Variants in ST7L observed in about 807,000 individuals in gnomAD.
ST7L encodes the protein suppression of tumorigenicity 7 like, also known as suppressor of tumorigenicity 7 protein-like.
A neutral mutation model predicts 72.5 loss-of-function variants in ST7L; 57 were observed. The ratio of observed to expected loss-of-function variants is 0.79; its 90% CI spans 0.64 to 0.98. The LOEUF is 0.98. Ranked by LOEUF, ST7L falls within the 50% of genes least tolerant of loss-of-function variation. The pLI is 0.00. For synonymous variants in ST7L, 221 were observed against 240.9 expected, an observed-to-expected ratio of 0.92 and a Z score of 0.77; for missense variants, 576 against 672.2, an observed-to-expected ratio of 0.86 and a Z score of 1.58.
rs1270181789 is a variant in ST7L at position 112,524,359 on chromosome 1, GT to G, written c.*1653del. On this transcript the variant is annotated 3_prime_UTR_variant, in exon 15 of 15. Transcript: ENST00000358039. ...GAAGGGAGGACGCCAGGGAGAGTATGTTTCTCATCCCTGGGAGGCATTCAGC... is the reference window on the plus strand; with the variant it reads ...GAAGGGAGGACGCCAGGGAGAGTATGTTCTCATCCCTGGGAGGCATTCAGC... The G allele has an allele frequency of 6.6e-6, 1 of 152,608 alleles. No homozygotes were observed. The highest frequency in any genetic ancestry group is 1.5e-5 in the Non-Finnish European group (1 of 68,044). 9.5% of individuals were successfully genotyped at this position (152,608 alleles called of 1,614,324 possible).
intron 11 of ST7L, among the ~76,000 whole-genome samples, chr1:112,561,378 C>CAAAAA (rs33953697): frequency 1.1e-5 from 1 of 90,572 alleles, no homozygotes; most frequent in Non-Finnish European, 2.3e-5. Context: ...CTCCCTGCCT[C>CAAAAA]AAAAAAAAAA....
At chr1:112,616,530 G>T (rs1669900434) in intron 2 of ST7L, among the ~76,000 whole-genome samples, 1 of 152,108 alleles carries the variant, frequency 6.6e-6, no homozygotes, top group South Asian at 2.1e-4. Flanking sequence ...ATCACCTGAG[G>T]TCAGGAGTTG....
chr1:112,524,839 C>G lies in ST7L; in HGVS notation c.*1174G>C, dbSNP rs903329864. 19 of 152,074 alleles carry G rather than the reference C, an allele frequency of 1.2e-4. No individual in the cohort carries two copies. Among genetic ancestry groups the G allele is most frequent in the Admixed American group, 7.2e-4 (11 of 15,272 alleles). 9.4% of individuals were successfully genotyped at this position (152,074 alleles called of 1,614,324 possible). A position where few individuals can be genotyped will look rare whatever the true frequency, so the allele number is the denominator to read the frequency against. ...TAGGAGTTCTGCTCATCCTCCTCTCCCCAACAATTAAAAAAAAAAGCAATT... is the reference window on the plus strand; with the variant it reads ...TAGGAGTTCTGCTCATCCTCCTCTCGCCAACAATTAAAAAAAAAAGCAATT... On this transcript the variant is annotated 3_prime_UTR_variant, in exon 15 of 15. Transcript: ENST00000358039.
chr1:112,614,759 C>A (rs186457695), intron 2 of ST7L, among the ~76,000 whole-genome samples: 64 of 151,992 alleles, frequency 4.2e-4, no homozygotes, highest in Non-Finnish European at 8.2e-4. Flanking sequence ...CTACCCTGAA[C>A]AACACAGTGA....
intron 4 of ST7L, 104 bp downstream of exon 4, chr1:112,600,690 C>G (rs1425928896): frequency 7.3e-6 from 7 of 955,842 alleles, no homozygotes; most frequent in Non-Finnish European, 1.1e-5. Context: ...AGACCAGTAT[C>G]TTCTACTAGA....
intron 11 of ST7L, among the ~76,000 whole-genome samples, chr1:112,576,761 T>C (rs1663160191): frequency 6.6e-6 from 1 of 152,256 alleles, no homozygotes; most frequent in Non-Finnish European, 1.5e-5. Flanking sequence ...GTTCAAATTA[T>C]ATTTTGATAG....
chr1:112,610,729 G>A (rs1668947348), intron 3 of ST7L, 112 bp downstream of exon 3: 1 of 1,324,502 alleles, frequency 7.6e-7, no homozygotes, highest in Non-Finnish European at 1.0e-6. Flanking sequence ...GAATTTTGGG[G>A]GAAACACAAA....
Position 112,590,735 on chromosome 1 carries a change from CAA to C in ST7L, c.701+788_701+789del, listed in dbSNP as rs764784318. On this transcript the variant is annotated intron_variant, in intron 6 of 14. Coordinates refer to ENST00000358039, the MANE Select transcript of ST7L (RefSeq NM_017744.5). ...GCCTTTTCAAAATATAAAGTTCAAACAAAGAACTATAAAAAAATGCTGCTAAC... is the reference window on the plus strand; with the variant it reads ...GCCTTTTCAAAATATAAAGTTCAAACAGAACTATAAAAAAATGCTGCTAAC... Among the ~76,000 whole-genome samples, 25 of 152,018 alleles carry C rather than the reference CAA, an allele frequency of 1.6e-4. No individual in the cohort carries two copies. The East Asian group carries it at 3.7e-3, about 22-fold the overall frequency.
chr1:112,568,888 A>ATATATATAT (rs1557994022), intron 11 of ST7L, among the ~76,000 whole-genome samples: 5 of 132,180 alleles, frequency 3.8e-5, no homozygotes, highest in African/African-American at 1.5e-4. Context: ...ATATATATAT[A>ATATATATAT]AAACAAAAAT....
intron 9 of ST7L, among the ~76,000 whole-genome samples, chr1:112,579,966 GAATTTCTCACA>G (rs1663821007): frequency 6.6e-6 from 1 of 152,158 alleles, no homozygotes; most frequent in South Asian, 2.1e-4. Flanking sequence ...CATATGGAAA[GAATTTCTCACA>G]AATTTCTCCA....
chr1:112,619,224 T>C (rs1570689380), upstream of ST7L: 2 of 1,025,386 alleles, frequency 2.0e-6, no homozygotes, highest in African/African-American at 3.2e-5. Context: ...GAAGGCTGAG[T>C]CCTGGGGAAC....
rs144904511 is a variant in ST7L, at chr1:112,567,658, C to T, written c.1245+9328G>A. Among the ~76,000 whole-genome samples, 1,057 of 152,210 alleles carry T rather than the reference C, an allele frequency of 6.9e-3. 8 individuals are homozygous for T. Among genetic ancestry groups the T allele is most frequent in the Non-Finnish European group, 0.011 (756 of 68,010 alleles). On this transcript the variant is annotated intron_variant, in intron 11 of 14. Transcript: ENST00000358039. ...ATGTGAAAAAAATTCATGATTCCCT[C>T]CCACCACATTTAGATATCCAGATGT...
In ST7L at chr1:112,551,443, C is replaced by T. The variant is rs375462055; in HGVS notation, c.1397-750G>A. ...GATTACAGGTGTGAGCCACCGCGCC[C>T]GGCCTATGAGCAGATCTTAATCTAG... On this transcript the variant is annotated intron_variant, in intron 12 of 14. Transcript: ENST00000358039. Among the ~76,000 whole-genome samples, 10 of 152,268 alleles carry T rather than the reference C, an allele frequency of 6.6e-5. 1 individual carries two copies. Among genetic ancestry groups the T allele is most frequent in the South Asian group, 2.1e-4 (1 of 4,828 alleles).
chr1:112,532,654 G>C (rs961610524), intron 14 of ST7L, among the ~76,000 whole-genome samples: 3 of 152,164 alleles, frequency 2.0e-5, no homozygotes, highest in Admixed American at 1.3e-4. Flanking sequence ...GTGATTATGT[G>C]ATCTGCATTC....
intron 11 of ST7L, among the ~76,000 whole-genome samples, chr1:112,561,779 T>C (rs913710538): frequency 6.6e-6 from 1 of 151,802 alleles, no homozygotes; most frequent in African/African-American, 2.4e-5. Context: ...CCGGCCAATC[T>C]AACATTTTTA....
At chr1:112,526,155 G>A (rs1371036575) in intron 14 of ST7L, 44 bp from the exon 15 acceptor site, 8 of 1,612,852 alleles carry the variant, frequency 5.0e-6, no homozygotes, top group Non-Finnish European at 6.8e-6. Flanking sequence ...CCCTGTAGGA[G>A]TCCCAGGACA....
chr1:112,594,041 A>G (rs1407015916), intron 5 of ST7L, among the ~76,000 whole-genome samples: 1 of 152,134 alleles, frequency 6.6e-6, no homozygotes, highest in African/African-American at 2.4e-5. Context: ...TGCAAGGACC[A>G]AAATGGAATA....
At chr1:112,611,525 A>T (rs1255608249) in intron 2 of ST7L, among the ~76,000 whole-genome samples, 1 of 152,232 alleles carries the variant, frequency 6.6e-6, no homozygotes, top group Non-Finnish European at 1.5e-5. Flanking sequence ...AGCAAAAAGT[A>T]CTACTCTGGT....
intron 14 of ST7L, among the ~76,000 whole-genome samples, chr1:112,533,658 A>T (rs1468088636): frequency 6.6e-6 from 1 of 151,656 alleles, no homozygotes; most frequent in Non-Finnish European, 1.5e-5. Context: ...ATATGTATGT[A>T]TGTACCTATT....
Sources: allele counts gnomAD v4.1 joint callset (sites outside exome capture counted in the v4.1 genomes callset), GRCh38; gene constraint gnomAD v4.1.1; transcripts MANE v1.5; gene names NCBI Gene and HGNC (gene_info 2026-07-23, HGNC 2026-07-21).